The following ITCH variants were observed in gnomAD, a reference collection of about 807,000 sequenced individuals.
ITCH encodes the protein E3 ubiquitin-protein ligase Itchy homolog.
In ITCH, 28 loss-of-function variants were observed where a neutral mutation model predicts 126.8. The observed-to-expected ratio is 0.22, with a 90% CI of 0.16 to 0.30. ITCH has a LOEUF of 0.30. ITCH is among the 10% of genes least tolerant of loss of function. The pLI is 1.00. For missense variants in ITCH, 631 were observed against 1,032.4 expected (o/e 0.61, Z 5.33); for synonymous variants, 342 against 340.0 (o/e 1.01, Z -0.06).
intron 14 of ITCH, among the ~76,000 whole-genome samples, chr20:34,469,247 A>T (rs28736334): frequency 1.5e-5 from 2 of 134,912 alleles, no homozygotes; most frequent in South Asian, 2.4e-4. Context: ...ACACACACAC[A>T]CACTCACACA....
In ITCH at chr20:34,509,753, G is replaced by A. The variant is rs192446602; in HGVS notation, c.*1959G>A. 23 of 152,674 alleles carry A rather than the reference G, an allele frequency of 1.5e-4. No individual in the cohort carries two copies. The East Asian group carries it at 2.5e-3, about 17-fold the overall frequency. The allele number at this position is 152,674 out of a possible 1,614,324, so 9.5% of individuals were successfully genotyped here. ...CAGAGCGAATGTCTGCCAACTACCCGTTCATTATATAAGTCTGAACTTGGT... is the reference window on the plus strand; with the variant it reads ...CAGAGCGAATGTCTGCCAACTACCCATTCATTATATAAGTCTGAACTTGGT... On this transcript the variant is annotated 3_prime_UTR_variant, in exon 25 of 25. Transcript: ENST00000374864.
chr20:34,444,659 C>T (rs1348746272), intron 10 of ITCH, among the ~76,000 whole-genome samples: 3 of 151,782 alleles, frequency 2.0e-5, no homozygotes, highest in Admixed American at 6.6e-5. Context: ...TTTGTTTTTT[C>T]GAGATGGAGA....
intron 7 of ITCH, among the ~76,000 whole-genome samples, chr20:34,430,446 A>G (rs1464482866): frequency 1.3e-5 from 2 of 151,966 alleles, no homozygotes; most frequent in African/African-American, 4.8e-5. Flanking sequence ...AAAGGAAAGG[A>G]ATGTCTTTTA....
chr20:34,457,318 T>C, intron 12 of ITCH, 72 bp from the exon 13 acceptor site: 1 of 996,148 alleles, frequency 1.0e-6, no homozygotes. Flanking sequence ...CAAATAATTT[T>C]ATTTTACCTT....
chr20:34,367,993 G>A lies in ITCH; in HGVS notation c.-98-1401G>A, dbSNP rs139505134. Among the ~76,000 whole-genome samples the A allele has an allele frequency of 4.1e-3, 622 of 152,260 alleles. 6 individuals carry two copies. Among genetic ancestry groups the A allele is most frequent in the African/African-American group, 0.015 (607 of 41,550 alleles). On this transcript the variant is annotated intron_variant, in intron 1 of 24. Coordinates refer to ENST00000374864, the MANE Select transcript of ITCH (RefSeq NM_031483.7). ...GTCTTAAGAAATTTGTGTTAGGGCC[G>A]GGCGCGGTGGCTCATGCCTGTAATC...
chr20:34,435,285 C>G (rs564262304), intron 7 of ITCH, among the ~76,000 whole-genome samples: 9 of 152,180 alleles, frequency 5.9e-5, no homozygotes, highest in Admixed American at 2.0e-4. Flanking sequence ...CCTCCCAGCT[C>G]AGCCTCCCGA....
intron 2 of ITCH, among the ~76,000 whole-genome samples, chr20:34,381,711 C>T (rs1410793199): frequency 1.3e-5 from 2 of 151,800 alleles, no homozygotes; most frequent in Non-Finnish European, 2.9e-5. Context: ...CAGACGTGAG[C>T]GACCGCGCCT....
intron 16 of ITCH, chr20:34,476,087 T>C: frequency 1.9e-6 from 2 of 1,025,702 alleles, no homozygotes; most frequent in Non-Finnish European, 3.1e-6. Context: ...TCATCAGTGA[T>C]TGCATCTAAC....
In ITCH at chr20:34,489,854, G is replaced by T; in HGVS notation, c.2247G>T (p.Leu749Phe). 1 of 1,613,812 alleles carries T rather than the reference G, an allele frequency of 6.2e-7. No individual in the cohort carries two copies. ...VLLCGMQEID[L>F]NDWQRHAIYR... is the part of the protein sequence containing the mutation. ...TATGTGGAATGCAAGAGATTGATTT[G>T]AATGACTGGCAAAGACATGCCATCT... The change falls in exon 22 of 25, where the codon TTG becomes TTT. Residue 749 changes from leucine (L) to phenylalanine (F), a missense_variant. Coordinates refer to ENST00000374864, the MANE Select transcript of ITCH (RefSeq NM_031483.7).
intron 23 of ITCH, among the ~76,000 whole-genome samples, chr20:34,502,540 A>G (rs1485589363): frequency 2.0e-5 from 3 of 151,278 alleles, no homozygotes; most frequent in Non-Finnish European, 4.4e-5. Flanking sequence ...GTGAAACCCC[A>G]TCTCTACTAA....
At chr20:34,440,743 A>C (rs957375744) in intron 9 of ITCH, among the ~76,000 whole-genome samples, 1 of 152,106 alleles carries the variant, frequency 6.6e-6, no homozygotes, top group African/African-American at 2.4e-5. Flanking sequence ...ATGAGCACCC[A>C]GCCAACTGTT....
intron 12 of ITCH, among the ~76,000 whole-genome samples, chr20:34,455,583 C>G (rs1263345305): frequency 6.6e-6 from 1 of 151,824 alleles, no homozygotes; most frequent in Admixed American, 6.6e-5. Flanking sequence ...CTGCCTCAGC[C>G]TCTCGAGTTG....
intron 2 of ITCH, among the ~76,000 whole-genome samples, chr20:34,380,950 G>C (rs1257766719): frequency 2.0e-5 from 3 of 151,546 alleles, no homozygotes; most frequent in African/African-American, 7.3e-5. Flanking sequence ...ACTGCACCTG[G>C]GTAATTTTTG....
chr20:34,492,710 A>T (rs1190447562), intron 23 of ITCH, 113 bp downstream of exon 23: 2 of 763,704 alleles, frequency 2.6e-6, no homozygotes, highest in African/African-American at 3.5e-5. Context: ...CATTTTCTTA[A>T]CTATTCCCAG....
chr20:34,420,196 C>T (rs1222545539), intron 6 of ITCH, among the ~76,000 whole-genome samples: 2 of 152,190 alleles, frequency 1.3e-5, no homozygotes, highest in African/African-American at 4.8e-5. Context: ...CACCATCTGT[C>T]TCTAGTTTCA....
chr20:34,445,227 T>C, intron 10 of ITCH, 60 bp from the exon 11 acceptor site: 14 of 1,577,078 alleles, frequency 8.9e-6, no homozygotes, highest in Non-Finnish European at 1.2e-5. Context: ...TAAAATATTC[T>C]ATCTGTTTCA....
At chr20:34,455,474 A>G (rs993471982) in intron 12 of ITCH, among the ~76,000 whole-genome samples, 2 of 139,098 alleles carry the variant, frequency 1.4e-5, no homozygotes, top group Non-Finnish European at 3.2e-5. Context: ...TGATATCCAC[A>G]TTTTTTTTTT....
intron 11 of ITCH, among the ~76,000 whole-genome samples, chr20:34,447,564 T>C (rs899778836): frequency 5.3e-5 from 8 of 152,158 alleles, no homozygotes; most frequent in Admixed American, 5.2e-4. Context: ...TTCTTCCTGG[T>C]CCATGGCTTA....
chr20:34,402,353 A>G, intron 3 of ITCH: 1 of 894,130 alleles, frequency 1.1e-6, no homozygotes. Flanking sequence ...TCAATAGTAG[A>G]GGGGTCATCT....
Sources: gnomAD v4.1 joint callset for allele counts (sites outside exome capture counted in the v4.1 genomes callset) on GRCh38, gnomAD v4.1.1 for gene constraint, MANE v1.5 for transcripts, NCBI Gene and HGNC (gene_info 2026-07-23, HGNC 2026-07-21) for gene names.